The following SSBP3 variants were observed in gnomAD, a reference collection of about 807,000 sequenced individuals.
The protein encoded by SSBP3 is single-stranded DNA-binding protein 3.
Under a neutral mutation model 69.6 loss-of-function variants are expected in SSBP3, and 5 were observed. The ratio of observed to expected loss-of-function variants is 0.07; its 90% CI spans 0.04 to 0.15. SSBP3 has a LOEUF of 0.15. Among genes scored for constraint, SSBP3 ranks in the 10% least tolerant of loss-of-function variants. The pLI is 1.00. For synonymous variants in SSBP3, 196 were observed against 193.4 expected, an observed-to-expected ratio of 1.01 and a Z score of -0.11; for missense variants, 312 against 534.0, an observed-to-expected ratio of 0.58 and a Z score of 4.10.
chr1:54,268,304 GCCTCCGC>G (rs1645136408), intron 5 of SSBP3, among the ~76,000 whole-genome samples: 1 of 152,228 alleles, frequency 6.6e-6, no homozygotes. Context: ...CTGCCCGCCG[GCCTCCGC>G]CACCGCTCGC....
intron 4 of SSBP3, among the ~76,000 whole-genome samples, chr1:54,285,229 A>G (rs1645466565): frequency 6.6e-6 from 1 of 152,240 alleles, no homozygotes; most frequent in African/African-American, 2.4e-5. Flanking sequence ...AAAAGTGTGA[A>G]GAAGAAAACG....
intron 4 of SSBP3, among the ~76,000 whole-genome samples, chr1:54,359,208 CA>C (rs56901465): frequency 0.036 from 2,703 of 75,372 alleles, 62 homozygotes; most frequent in East Asian, 0.18. Context: ...ACCCTCCCCT[CA>C]AAAAAAAAAA....
upstream of SSBP3, among the ~76,000 whole-genome samples, chr1:54,407,603 T>C (rs1006229509): frequency 8.5e-5 from 13 of 152,138 alleles, no homozygotes; most frequent in Admixed American, 3.9e-4. Context: ...CAGACTGTTT[T>C]TAGAGAGCGG....
At chr1:54,297,381 G>C (rs1337850479) in intron 4 of SSBP3, among the ~76,000 whole-genome samples, 1 of 152,236 alleles carries the variant, frequency 6.6e-6, no homozygotes, top group African/African-American at 2.4e-5. Context: ...TGTAATCCCG[G>C]CACTTTGGGA....
At chr1:54,374,788 A>C (rs1647189772) in intron 4 of SSBP3, among the ~76,000 whole-genome samples, 1 of 152,212 alleles carries the variant, frequency 6.6e-6, no homozygotes, top group South Asian at 2.1e-4. Context: ...ATCCAACGTG[A>C]GATATCAGGG....
At chr1:54,319,467 G>C (rs1008415320) in intron 4 of SSBP3, among the ~76,000 whole-genome samples, 1 of 152,274 alleles carries the variant, frequency 6.6e-6, no homozygotes, top group African/African-American at 2.4e-5. Context: ...GGGGAAGGAC[G>C]GGAAGCAGAA....
chr1:54,229,085 C>A (rs1484170056), intron 14 of SSBP3, among the ~76,000 whole-genome samples: 1 of 152,262 alleles, frequency 6.6e-6, no homozygotes, highest in Non-Finnish European at 1.5e-5. Flanking sequence ...CAACTCCACA[C>A]AGAGGCACCT....
At chr1:54,272,383 T>TAA (rs1645208892) in intron 5 of SSBP3, among the ~76,000 whole-genome samples, 1 of 151,952 alleles carries the variant, frequency 6.6e-6, no homozygotes, top group African/African-American at 2.4e-5. Context: ...TCAGGGGGTC[T>TAA]ATCCTGATCC....
chr1:54,259,447 G>A (rs986230997), intron 5 of SSBP3, among the ~76,000 whole-genome samples: 8 of 152,198 alleles, frequency 5.3e-5, no homozygotes, highest in East Asian at 1.9e-4. Context: ...GGGCTGCCTC[G>A]GAAGCACGTT....
chr1:54,354,137 C>T (rs1225482273), intron 4 of SSBP3, among the ~76,000 whole-genome samples: 1 of 152,220 alleles, frequency 6.6e-6, no homozygotes, highest in African/African-American at 2.4e-5. Flanking sequence ...ATCTAGAAAG[C>T]CTGGAGCCAG....
At chr1:54,312,110 AG>A in intron 4 of SSBP3, among the ~76,000 whole-genome samples, 1 of 152,128 alleles carries the variant, frequency 6.6e-6, no homozygotes, top group East Asian at 1.9e-4. Context: ...CTTCTCAAGG[AG>A]GGTGCAGCTT....
At chr1:54,379,680 G>A (rs1447779423) in intron 4 of SSBP3, among the ~76,000 whole-genome samples, 1 of 152,158 alleles carries the variant, frequency 6.6e-6, no homozygotes, top group African/African-American at 2.4e-5. Flanking sequence ...GGGACAGTAG[G>A]AGAAAGCCAA....
chr1:54,357,035 A>G (rs915139458), intron 4 of SSBP3, among the ~76,000 whole-genome samples: 2 of 147,328 alleles, frequency 1.4e-5, no homozygotes, highest in African/African-American at 2.5e-5. Context: ...CAGGGCTCAC[A>G]GGGGTAACAG....
At chr1:54,284,403 C>T (rs1457736289) in intron 4 of SSBP3, among the ~76,000 whole-genome samples, 1 of 151,474 alleles carries the variant, frequency 6.6e-6, no homozygotes, top group Non-Finnish European at 1.5e-5. Flanking sequence ...ATGTCCTTTG[C>T]TATTTGGGTA....
At chr1:54,395,232 CCT>C (rs1648781526) in intron 4 of SSBP3, among the ~76,000 whole-genome samples, 1 of 152,226 alleles carries the variant, frequency 6.6e-6, no homozygotes, top group Non-Finnish European at 1.5e-5. Context: ...GCTTTCCATG[CCT>C]CTCTCAAGGC....
At chr1:54,359,230 A>G (rs956260324) in intron 4 of SSBP3, among the ~76,000 whole-genome samples, 6 of 148,912 alleles carry the variant, frequency 4.0e-5, no homozygotes, top group South Asian at 2.1e-4. Flanking sequence ...AAAAAAAAAA[A>G]GCTGTCATAG....
chr1:54,325,654 A>T (rs1262656266), intron 4 of SSBP3, among the ~76,000 whole-genome samples: 3 of 152,218 alleles, frequency 2.0e-5, no homozygotes, highest in Admixed American at 2.0e-4. Context: ...GGATTAATTT[A>T]TAATCTGCCT....
rs1193626778 is a variant in SSBP3 at position 54,268,595 on chromosome 1, GA to G, written c.367-10447del. On this transcript the variant is annotated intron_variant, in intron 5 of 17. Coordinates refer to ENST00000610401, the Ensembl canonical transcript of SSBP3. ...AACCCCAATTGCCCACTGAGCAGAA[GA>G]GGGCTAAGAACGGAACAGCAAAGTC... Among the ~76,000 whole-genome samples the G allele has an allele frequency of 2.6e-5, 4 of 152,278 alleles. 1 individual carries two copies. The highest frequency in any genetic ancestry group is 2.6e-4 in the Admixed American group (4 of 15,288).
At chr1:54,378,750 G>GCGGGCACAAAGGAAGGAAC (rs1472143301) in intron 4 of SSBP3, among the ~76,000 whole-genome samples, 2 of 152,204 alleles carry the variant, frequency 1.3e-5, no homozygotes, top group African/African-American at 4.8e-5. Flanking sequence ...TGAGTGGCCG[G>GCGGGCACAAAGGAAGGAAC]CGGGCACAAA....
Sources: allele counts gnomAD v4.1 joint callset (sites outside exome capture counted in the v4.1 genomes callset), GRCh38; gene constraint gnomAD v4.1.1; transcripts MANE v1.5; gene names NCBI Gene and HGNC (gene_info 2026-07-23, HGNC 2026-07-21).